Variants in ATP1A2 observed in about 807,000 individuals in gnomAD.
The protein encoded by ATP1A2 is sodium/potassium-transporting ATPase subunit alpha-2.
In ATP1A2, 56 loss-of-function variants were observed where a neutral mutation model predicts 113.1. The ratio of observed to expected loss-of-function variants is 0.49; its 90% CI spans 0.40 to 0.62. The LOEUF is 0.62. ATP1A2 is among the 20% of genes least tolerant of loss of function. The pLI is 0.00. For missense variants in ATP1A2, 712 were observed against 1,357.8 expected (o/e 0.52, Z 7.47); for synonymous variants, 490 against 526.8 (o/e 0.93, Z 0.96).
At chr1:160,120,376 G>A (rs1031600931) in intron 1 of ATP1A2, among the ~76,000 whole-genome samples, 3 of 151,926 alleles carry the variant, frequency 2.0e-5, no homozygotes, top group Admixed American at 2.0e-4. Context: ...CTCTGGACAC[G>A]TTCCTGCCTA....
intron 22 of ATP1A2, chr1:160,140,724 G>C (rs963377805): frequency 3.6e-5 from 6 of 168,370 alleles, no homozygotes; most frequent in Admixed American, 2.2e-4. Flanking sequence ...TTTCACCCTC[G>C]ACCTATTCTG....
Position 160,140,108 on chromosome 1 carries a change from C to T in ATP1A2, c.3034+124C>T. 11 of 1,012,270 alleles carry T rather than the reference C, an allele frequency of 1.1e-5. No individual in the cohort carries two copies. The South Asian group carries it at 1.4e-4, about 13-fold the overall frequency. The allele number at this position is 1,012,270 out of a possible 1,614,324, so 62.7% of individuals were successfully genotyped here. A position where few individuals can be genotyped will look rare whatever the true frequency, so the allele number is the denominator to read the frequency against. On this transcript the variant is annotated intron_variant, in intron 22 of 22. Transcript: ENST00000361216. ...CTTCTGTTCCTCAACACCCTCAGAT[C>T]CTGGGGTCCCAGGTCCCAGGAGCCC...
rs533400580 is a variant in ATP1A2, at chr1:160,129,349, C to T, written c.1410C>T (p.Asp470=). Residue 470 remains aspartate, a synonymous_variant, in exon 11 of 23, where the codon GAC becomes GAT. Transcript: ENST00000361216. ...GTGGCTCAGTGAGGAAAATGAGAGA[C>T]AGAAACCCCAAGGTGGCAGAGATTC... The part of the protein sequence containing the change: ...LSCGSVRKMR[D]RNPKVAEIPF... The T allele has an allele frequency of 1.9e-6, 3 of 1,614,150 alleles. No individual in the cohort carries two copies. The highest frequency in any genetic ancestry group is 3.3e-5 in the Admixed American group (2 of 60,026).
Position 160,139,965 on chromosome 1 carries a change from C to T in ATP1A2, c.3015C>T (p.Ile1005=), listed in dbSNP as rs559319269. ...TCTATGATGAGGTCCGAAAGCTCATCCTGCGGCGGTATCCTGGTGGTAAGC... is the reference window on the plus strand; with the variant it reads ...TCTATGATGAGGTCCGAAAGCTCATTCTGCGGCGGTATCCTGGTGGTAAGC... ...IFIYDEVRKL[I]LRRYPGGWVE... Residue 1005 remains isoleucine (I), a synonymous_variant, in exon 22 of 23, where the codon ATC becomes ATT. Coordinates refer to ENST00000361216, the MANE Select transcript of ATP1A2 (RefSeq NM_000702.4). 6.2e-7 allele frequency: 1 copy of T among 1,614,040 alleles called. No homozygotes were observed. Among genetic ancestry groups the T allele is most frequent in the Non-Finnish European group, 8.5e-7 (1 of 1,180,040 alleles).
In ATP1A2 at chr1:160,134,279, A is replaced by C. The variant is rs114347193; in HGVS notation, c.1828-205A>C. Among the ~76,000 whole-genome samples the C allele has an allele frequency of 6.8e-3, 919 of 134,536 alleles. 31 individuals carry two copies. In the East Asian group the frequency reaches 0.13, roughly 19 times the overall value. The allele number at this position is 134,536 out of a possible 152,430, so 88.3% of individuals were successfully genotyped here. The stretch of plus-strand genomic sequence containing the variant: ...TCCTACACACACATACACACACCCC[A>C]CACACACACACATACACACACACAC... On this transcript the variant is annotated intron_variant, in intron 13 of 22. Transcript: ENST00000361216.
chr1:160,130,917 A>G (rs1369794501), intron 13 of ATP1A2, among the ~76,000 whole-genome samples: 1 of 151,962 alleles, frequency 6.6e-6, no homozygotes, highest in African/African-American at 2.4e-5. Flanking sequence ...TAGTTGTCCT[A>G]CCCTTCCCAA....
chr1:160,137,218 T>G lies in ATP1A2; in HGVS notation c.2840+187T>G. ...GAGAAGCCATGCTTCAGGCTCCTAA[T>G]TTTGCATTTTGTTATTGTCTCTCTC... On this transcript the variant is annotated intron_variant, in intron 20 of 22. Transcript: ENST00000361216. 3 of 955,090 alleles carry G rather than the reference T, an allele frequency of 3.1e-6. No individual in the cohort carries two copies. In the South Asian group the frequency reaches 4.7e-5, roughly 15 times the overall value. 59.2% of individuals were successfully genotyped at this position (955,090 alleles called of 1,614,324 possible).
chr1:160,136,390 T>C lies in ATP1A2; in HGVS notation c.2563+20T>C. On this transcript the variant is annotated intron_variant, in intron 18 of 22. Coordinates refer to ENST00000361216, the MANE Select transcript of ATP1A2 (RefSeq NM_000702.4). ...AGATCGGTGCGCCAAGCCCCGGGCCTCGGGAGGGAACCCCAACAGGGTTCT... is the reference window on the plus strand; with the variant it reads ...AGATCGGTGCGCCAAGCCCCGGGCCCCGGGAGGGAACCCCAACAGGGTTCT... The C allele has an allele frequency of 6.2e-7, 1 of 1,613,754 alleles. No homozygotes were observed. The highest frequency in any genetic ancestry group is 8.5e-7 in the Non-Finnish European group (1 of 1,180,030).
chr1:160,137,316 T>C, intron 20 of ATP1A2: 1 of 459,838 alleles, frequency 2.2e-6, no homozygotes, highest in Non-Finnish European at 4.0e-6. Flanking sequence ...GCTCCTATCC[T>C]TTGCCCAGCC....
chr1:160,122,952 C>T (rs1185179062), intron 3 of ATP1A2, among the ~76,000 whole-genome samples: 1 of 152,086 alleles, frequency 6.6e-6, no homozygotes, highest in East Asian at 1.9e-4. Flanking sequence ...ATGTTATGGC[C>T]CTAACCATAG....
At chr1:160,139,766 GAGT>G in intron 21 of ATP1A2, 25 bp downstream of exon 21, 1 of 1,613,834 alleles carries the variant, frequency 6.2e-7, no homozygotes, top group Non-Finnish European at 8.5e-7. Context: ...CGGGCGGCCT[GAGT>G]AGTCATACGG....
chr1:160,125,351 C>A (rs1341284186), intron 7 of ATP1A2, 98 bp downstream of exon 7: 8 of 1,160,914 alleles, frequency 6.9e-6, no homozygotes, highest in Admixed American at 1.8e-5. Context: ...AAAAGCTCTG[C>A]CATTGGTGGG....
chr1:160,122,516 G>C (rs1208627883), intron 3 of ATP1A2, among the ~76,000 whole-genome samples: 1 of 152,062 alleles, frequency 6.6e-6, no homozygotes, highest in Non-Finnish European at 1.5e-5. Context: ...AATATGGTGA[G>C]TGCAGCTCTA....
At chr1:160,130,051 C>T (rs1007916628) in intron 11 of ATP1A2, 51 bp from the exon 12 acceptor site, 35 of 1,609,954 alleles carry the variant, frequency 2.2e-5, no homozygotes, top group Middle Eastern at 1.6e-4. Context: ...CTCTATGCCG[C>T]GCTACCAAGA....
At position 160,137,138 on chromosome 1, in the gene ATP1A2, G is replaced by A. The variant is rs548330210; in HGVS notation, c.2840+107G>A. On this transcript the variant is annotated intron_variant, in intron 20 of 22. Transcript: ENST00000361216. ...GCCCTGGACCAGAGCTGTAAGGAGG[G>A]CATCAGATTTTAATCTTCCATCTGT... 5.7e-6 allele frequency: 9 copies of A among 1,568,134 alleles called. No individual in the cohort carries two copies. In the African/African-American group the frequency reaches 1.1e-4, roughly 19 times the overall value.
chr1:160,138,072 A>T lies in ATP1A2; in HGVS notation c.2840+1041A>T, dbSNP rs188275091. ...AGGGATGACACACGAAGGTGGGAAC[A>T]TGGCCATAGTGGCTGCATCCAGCCC... On this transcript the variant is annotated intron_variant, in intron 20 of 22. Transcript: ENST00000361216. Among the ~76,000 whole-genome samples, 18 of 152,352 alleles carry T rather than the reference A, an allele frequency of 1.2e-4. No individual in the cohort carries two copies. The East Asian group carries it at 1.5e-3, about 13-fold the overall frequency.
chr1:160,130,688 C>T, intron 13 of ATP1A2, 91 bp downstream of exon 13: 1 of 1,555,998 alleles, frequency 6.4e-7, no homozygotes, highest in Non-Finnish European at 8.8e-7. Flanking sequence ...AAGGCCCAGG[C>T]CACGGTGGCC....
chr1:160,136,792 G>T (rs1409695811), intron 19 of ATP1A2, 77 bp downstream of exon 19: 8 of 1,613,736 alleles, frequency 5.0e-6, no homozygotes, highest in Non-Finnish European at 4.2e-6. Context: ...GTGGCCAGTG[G>T]TGGCCAACTG....
chr1:160,139,522 A>G, intron 20 of ATP1A2, 118 bp from the exon 21 acceptor site: 1 of 859,082 alleles, frequency 1.2e-6, no homozygotes, highest in Middle Eastern at 2.2e-4. Context: ...TTGGAAGAAG[A>G]CATGCGACTA....
Sources: allele counts gnomAD v4.1 joint callset (sites outside exome capture counted in the v4.1 genomes callset), GRCh38; gene constraint gnomAD v4.1.1; transcripts MANE v1.5; gene names NCBI Gene and HGNC (gene_info 2026-07-23, HGNC 2026-07-21).